The following KAZN variants were observed in gnomAD, a reference collection of about 807,000 sequenced individuals.
The protein encoded by KAZN is kazrin.
In KAZN, 40 loss-of-function variants were observed where a neutral mutation model predicts 87.4. The observed-to-expected ratio is 0.46, with a 90% CI of 0.36 to 0.60. The LOEUF (loss-of-function observed/expected upper bound fraction) is 0.60. KAZN is among the 20% of genes least tolerant of loss of function. The pLI is 0.00. For missense variants in KAZN, 898 were observed against 1,073.9 expected, an observed-to-expected ratio of 0.84 and a Z score of 2.29; for synonymous variants, 466 against 458.3, an observed-to-expected ratio of 1.02 and a Z score of -0.22.
chr1:14,701,590 G>A (rs2148805131), intron 1 of KAZN, among the ~76,000 whole-genome samples: 1 of 152,304 alleles, frequency 6.6e-6, no homozygotes, highest in South Asian at 2.1e-4. Context: ...CTAGGAGTTT[G>A]AGACCAGCCT....
chr1:14,185,801 T>C (rs1300699054), intron 2 of KAZN, among the ~76,000 whole-genome samples: 1 of 152,186 alleles, frequency 6.6e-6, no homozygotes, highest in South Asian at 2.1e-4. Flanking sequence ...ATACTCTTGT[T>C]CTGTTAAGCT....
intron 1 of KAZN, among the ~76,000 whole-genome samples, chr1:13,995,506 A>T (rs1302833845): frequency 6.6e-6 from 1 of 152,278 alleles, no homozygotes; most frequent in Admixed American, 6.5e-5. Context: ...CTGAAAACTG[A>T]AACAATATTG....
chr1:14,616,501 C>G (rs1181949438), intron 1 of KAZN, among the ~76,000 whole-genome samples: 4 of 152,062 alleles, frequency 2.6e-5, no homozygotes, highest in African/African-American at 7.2e-5. Flanking sequence ...AGCCAGATGC[C>G]CAAATTAAAA....
intron 1 of KAZN, among the ~76,000 whole-genome samples, chr1:14,925,629 G>A (rs764442667): frequency 1.3e-5 from 2 of 152,126 alleles, no homozygotes; most frequent in Non-Finnish European, 2.9e-5. Context: ...CAAAGTCTTA[G>A]CACCATAATA....
At chr1:14,654,495 G>A (rs1638664046) in intron 1 of KAZN, among the ~76,000 whole-genome samples, 2 of 151,916 alleles carry the variant, frequency 1.3e-5, no homozygotes, top group African/African-American at 4.8e-5. Context: ...CAGGAGGAGA[G>A]GAGTTTCATG....
intron 8 of KAZN, among the ~76,000 whole-genome samples, chr1:15,088,715 C>T (rs923893394): frequency 6.6e-6 from 1 of 152,038 alleles, no homozygotes; most frequent in Admixed American, 6.5e-5. Flanking sequence ...CAAGGCCCCC[C>T]TAGACTCCTC....
At chr1:14,993,541 AAG>A (rs1667560061) in intron 2 of KAZN, among the ~76,000 whole-genome samples, 1 of 151,824 alleles carries the variant, frequency 6.6e-6, no homozygotes, top group African/African-American at 2.4e-5. Context: ...GAATTCTACC[AAG>A]AGTCTGCAGA....
chr1:14,516,453 C>G (rs935680889), intron 2 of KAZN, among the ~76,000 whole-genome samples: 1 of 152,188 alleles, frequency 6.6e-6, no homozygotes, highest in Non-Finnish European at 1.5e-5. Context: ...TGCCCTTGAC[C>G]ACAGTGATTG....
chr1:14,006,241 C>T (rs1445873496), intron 1 of KAZN, among the ~76,000 whole-genome samples: 1 of 152,206 alleles, frequency 6.6e-6, no homozygotes, highest in Non-Finnish European at 1.5e-5. Flanking sequence ...AAAGGAATAT[C>T]TGAGGCTGCA....
chr1:14,330,965 T>C (rs1008801827), intron 2 of KAZN, among the ~76,000 whole-genome samples: 9 of 152,136 alleles, frequency 5.9e-5, no homozygotes, highest in Non-Finnish European at 1.3e-4. Flanking sequence ...TATTGATACA[T>C]TGGTGTGTGT....
chr1:14,002,001 G>C (rs371737766), intron 1 of KAZN, among the ~76,000 whole-genome samples: 31 of 152,122 alleles, frequency 2.0e-4, no homozygotes, highest in African/African-American at 7.0e-4. Context: ...ATTGGCAAAT[G>C]GGATCTAATT....
At chr1:14,951,393 G>T (rs995661414) in intron 1 of KAZN, among the ~76,000 whole-genome samples, 1 of 152,060 alleles carries the variant, frequency 6.6e-6, no homozygotes, top group Non-Finnish European at 1.5e-5. Context: ...GGGGTCCTGG[G>T]AGTCCCTGTC....
intron 1 of KAZN, among the ~76,000 whole-genome samples, chr1:14,097,009 A>G (rs1002621017): frequency 6.6e-6 from 1 of 152,206 alleles, no homozygotes; most frequent in East Asian, 1.9e-4. Flanking sequence ...GCCTTTACTG[A>G]AAGTCCAGGT....
intron 1 of KAZN, among the ~76,000 whole-genome samples, chr1:14,658,494 G>A (rs748306173): frequency 4.6e-5 from 7 of 152,150 alleles, no homozygotes; most frequent in Non-Finnish European, 8.8e-5. Flanking sequence ...ATTGTGCACA[G>A]AGCCTGGGTC....
chr1:14,893,269 G>A (rs961462206), intron 1 of KAZN, among the ~76,000 whole-genome samples: 1 of 152,174 alleles, frequency 6.6e-6, no homozygotes, highest in Non-Finnish European at 1.5e-5. Context: ...GGGAGGCTGA[G>A]GCAGAAGAAT....
intron 2 of KAZN, among the ~76,000 whole-genome samples, chr1:14,514,583 T>TAA (rs1345658172): frequency 0.13 from 7,803 of 61,372 alleles, 2,051 homozygotes; most frequent in Non-Finnish European, 0.17. Flanking sequence ...ATTTTATATA[T>TAA]TTTTTTATAT....
intron 1 of KAZN, among the ~76,000 whole-genome samples, chr1:14,724,527 C>T (rs1382372738): frequency 6.6e-6 from 1 of 152,200 alleles, no homozygotes; most frequent in Admixed American, 6.5e-5. Flanking sequence ...GAATGAGTCA[C>T]ATTATTGACT....
intron 10 of KAZN, among the ~76,000 whole-genome samples, chr1:15,097,200 C>T (rs995219050): frequency 1.3e-5 from 2 of 152,152 alleles, no homozygotes; most frequent in Non-Finnish European, 2.9e-5. Flanking sequence ...GAGCTTTTGA[C>T]ACTTTCTCTA....
intron 1 of KAZN, among the ~76,000 whole-genome samples, chr1:14,867,726 C>CG (rs1491381223): frequency 2.3e-5 from 2 of 88,162 alleles, no homozygotes; most frequent in Admixed American, 1.2e-4. Context: ...TTGAAGACAC[C>CG]CCCCCCCCCA....
Sources: gnomAD v4.1 joint callset for allele counts (sites outside exome capture counted in the v4.1 genomes callset) on GRCh38, gnomAD v4.1.1 for gene constraint, MANE v1.5 for transcripts, NCBI Gene and HGNC (gene_info 2026-07-23, HGNC 2026-07-21) for gene names.